Variants in ERAP1 observed in about 807,000 individuals in gnomAD.
ERAP1 encodes the protein adipocyte-derived leucine aminopeptidase.
Under a neutral mutation model 103.7 loss-of-function variants are expected in ERAP1, and 86 were observed. The ratio of observed to expected loss-of-function variants is 0.83; its 90% CI spans 0.70 to 0.99. The LOEUF is 0.99. Ranked by LOEUF, ERAP1 falls within the 50% of genes least tolerant of loss-of-function variation. ERAP1 has a pLI of 0.00. For missense variants in ERAP1, 1,009 were observed against 1,128.4 expected (o/e 0.89, Z 1.52); for synonymous variants, 398 against 402.4 (o/e 0.99, Z 0.13).
chr5:96,809,255 A>G (rs1202465267), upstream of ERAP1, among the ~76,000 whole-genome samples: 1 of 152,098 alleles, frequency 6.6e-6, no homozygotes, highest in African/African-American at 2.4e-5. Context: ...CTTCTATCTC[A>G]TTCTGTGACT....
chr5:96,778,945 G>A (rs557247519), intron 18 of ERAP1, among the ~76,000 whole-genome samples: 2 of 152,222 alleles, frequency 1.3e-5, no homozygotes, highest in East Asian at 1.9e-4. Flanking sequence ...ATAACATCTC[G>A]GGCTCTTTAC....
the ERAP1 span, among the ~76,000 whole-genome samples, chr5:96,887,386 C>T: frequency 4.0e-5 from 6 of 151,194 alleles, no homozygotes; most frequent in Admixed American, 6.6e-5. Context: ...CTGCAATCTC[C>T]GCCTCCTGGA....
At chr5:96,902,442 T>C in the ERAP1 span, 5 of 759,740 alleles carry the variant, frequency 6.6e-6, no homozygotes, top group Non-Finnish European at 1.1e-5. Context: ...TAAGTAAATC[T>C]AACAATAAAA....
chr5:96,805,567 A>G (rs747739589), intron 1 of ERAP1: 1 of 152,178 alleles, frequency 6.6e-6, no homozygotes, highest in African/African-American at 2.4e-5. Flanking sequence ...CTCTGGAGCA[A>G]TCTGGAGGCT....
downstream of ERAP1, chr5:96,771,531 A>C: frequency 1.4e-6 from 1 of 692,488 alleles, no homozygotes; most frequent in Non-Finnish European, 2.5e-6. Flanking sequence ...TGAAAGGACC[A>C]TCTTATTTTT....
the ERAP1 span, among the ~76,000 whole-genome samples, chr5:96,833,063 G>A: frequency 6.6e-5 from 10 of 152,214 alleles, no homozygotes; most frequent in African/African-American, 2.2e-4. Flanking sequence ...CAGCCATGCT[G>A]ATGCCTTAAT....
At chr5:96,896,965 T>TAAGTCATATGTTGGGTAACGATAGAATG in the ERAP1 span, 5 of 987,684 alleles carry the variant, frequency 5.1e-6, no homozygotes, top group Non-Finnish European at 7.0e-6. Context: ...GTCAACCATA[T>TAAGTCATATGTTGGGTAACGATAGAATG]TTATTCTGCT....
At chr5:96,779,114 C>T (rs1561663151) in intron 18 of ERAP1, among the ~76,000 whole-genome samples, 1 of 152,210 alleles carries the variant, frequency 6.6e-6, no homozygotes, top group Non-Finnish European at 1.5e-5. Flanking sequence ...TTGCCTTATT[C>T]ATCTTCAGAG....
In ERAP1 at chr5:96,794,567, C is replaced by T. The variant is rs549557057; in HGVS notation, c.919+475G>A. On this transcript the variant is annotated intron_variant, in intron 5 of 18. Coordinates refer to ENST00000443439, the MANE Select transcript of ERAP1 (RefSeq NM_001040458.3). Reference sequence around the variant, plus strand: ...TGAAAAACTAAACAATTATAATAATCCATTCTATTTTGGATGCCCAAGACC... The same window carrying T: ...TGAAAAACTAAACAATTATAATAATTCATTCTATTTTGGATGCCCAAGACC... Among the ~76,000 whole-genome samples, 96 of 152,254 alleles carry T rather than the reference C, an allele frequency of 6.3e-4. No homozygotes were observed. In the Middle Eastern group the frequency reaches 0.01, roughly 16 times the overall value.
the ERAP1 span, among the ~76,000 whole-genome samples, chr5:96,852,204 C>T: frequency 2.6e-5 from 4 of 152,016 alleles, no homozygotes; most frequent in Non-Finnish European, 5.9e-5. Context: ...AATGTTTTGG[C>T]CTTATATACT....
chr5:96,905,423 G>T, the ERAP1 span, among the ~76,000 whole-genome samples: 1 of 152,074 alleles, frequency 6.6e-6, no homozygotes, highest in African/African-American at 2.4e-5. Context: ...ATTTCTAGTT[G>T]TTCTGAAATT....
At chr5:96,787,994 A>G (rs983535757) in intron 11 of ERAP1, among the ~76,000 whole-genome samples, 5 of 152,116 alleles carry the variant, frequency 3.3e-5, no homozygotes, top group African/African-American at 9.7e-5. Flanking sequence ...TAACTTCTCT[A>G]TAAGTCTGAA....
the ERAP1 span, among the ~76,000 whole-genome samples, chr5:96,859,355 G>T: frequency 6.6e-6 from 1 of 152,112 alleles, no homozygotes; most frequent in Non-Finnish European, 1.5e-5. Context: ...TTCCCAACAC[G>T]CTGTTGCTCT....
At chr5:96,827,801 C>T in the ERAP1 span, among the ~76,000 whole-genome samples, 2 of 152,184 alleles carry the variant, frequency 1.3e-5, no homozygotes, top group Non-Finnish European at 2.9e-5. Context: ...TTACCCACCA[C>T]CCTGAATAAA....
At chr5:96,926,999 T>C in the ERAP1 span, among the ~76,000 whole-genome samples, 1 of 152,152 alleles carries the variant, frequency 6.6e-6, no homozygotes, top group South Asian at 2.1e-4. Flanking sequence ...TTATTTTTCA[T>C]AGAGACGGGG....
At chr5:96,912,192 AAAAAAAAAAAAAG>A in the ERAP1 span, among the ~76,000 whole-genome samples, 2 of 149,812 alleles carry the variant, frequency 1.3e-5, no homozygotes, top group South Asian at 2.1e-4. Context: ...CCACCTCAAA[AAAAAAAAAAAAAG>A]AAAAGAAAAG....
the ERAP1 span, among the ~76,000 whole-genome samples, chr5:96,840,344 C>A: frequency 1.3e-5 from 2 of 152,288 alleles, no homozygotes; most frequent in African/African-American, 2.4e-5. Context: ...GGAGTAAAAT[C>A]GTCCCTGATC....
the ERAP1 span, among the ~76,000 whole-genome samples, chr5:96,855,395 A>C: frequency 1.3e-5 from 2 of 152,238 alleles, no homozygotes; most frequent in Non-Finnish European, 2.9e-5. Flanking sequence ...GATTCTGTTG[A>C]AACTACTTTC....
intron 13 of ERAP1, chr5:96,785,200 G>GA (rs35568104): frequency 0.26 from 39,745 of 153,326 alleles, 5,392 homozygotes; most frequent in Non-Finnish European, 0.31. Flanking sequence ...CATGGGGGAG[G>GA]AAAAAAAAAG....
Sources: gnomAD v4.1 joint callset for allele counts (sites outside exome capture counted in the v4.1 genomes callset) on GRCh38, gnomAD v4.1.1 for gene constraint, MANE v1.5 for transcripts, NCBI Gene and HGNC (gene_info 2026-07-23, HGNC 2026-07-21) for gene names.